SNX25: variants seen among roughly 807,000 people sequenced by gnomAD.
The protein encoded by SNX25 is sorting nexin-25.
In SNX25, 62 loss-of-function variants were observed where a neutral mutation model predicts 113.7. That is an observed-to-expected ratio of 0.55 (90% CI 0.44 to 0.67). SNX25 has a LOEUF of 0.67. Ranked by LOEUF, SNX25 falls within the 30% of genes least tolerant of loss-of-function variation. SNX25 has a pLI of 0.00. For synonymous variants in SNX25, 421 were observed against 436.2 expected, an observed-to-expected ratio of 0.97 and a Z score of 0.43; for missense variants, 1,014 against 1,161.0, an observed-to-expected ratio of 0.87 and a Z score of 1.84.
chr4:185,348,399 A>ATT (rs34672453), intron 13 of SNX25, among the ~76,000 whole-genome samples: 28,141 of 149,174 alleles, frequency 0.19, 3,388 homozygotes, highest in African/African-American at 0.35. Flanking sequence ...TCATTTCTTT[A>ATT]TTTTTTTTTT....
downstream of SNX25, chr4:185,370,878 T>C (rs1410129250): frequency 8.4e-6 from 13 of 1,545,390 alleles, no homozygotes; most frequent in Admixed American, 1.7e-5. Flanking sequence ...TGTAAAACGA[T>C]GCGCCTAGAG....
At chr4:185,299,144 TGA>T (rs1753272761) in intron 6 of SNX25, among the ~76,000 whole-genome samples, 1 of 152,194 alleles carries the variant, frequency 6.6e-6, no homozygotes, top group Admixed American at 6.5e-5. Context: ...AGAGTAACGC[TGA>T]GTTGAGTCAT....
intron 8 of SNX25, among the ~76,000 whole-genome samples, chr4:185,323,225 T>C (rs532666396): frequency 1.3e-5 from 2 of 152,348 alleles, no homozygotes; most frequent in Middle Eastern, 3.4e-3. Context: ...TCTTGTGGAA[T>C]TGAGATTTAT....
At chr4:185,331,331 A>G (rs1675138574) in intron 9 of SNX25, among the ~76,000 whole-genome samples, 1 of 152,244 alleles carries the variant, frequency 6.6e-6, no homozygotes, top group African/African-American at 2.4e-5. Context: ...AATTATTCTC[A>G]TACAATGCTG....
intron 1 of SNX25, among the ~76,000 whole-genome samples, chr4:185,217,274 C>G (rs1400343219): frequency 2.0e-5 from 3 of 151,408 alleles, no homozygotes; most frequent in African/African-American, 7.3e-5. Context: ...AAGAGAAATA[C>G]TGTGTAGCTG....
chr4:185,277,510 T>G (rs1749883602), intron 5 of SNX25, among the ~76,000 whole-genome samples: 1 of 152,108 alleles, frequency 6.6e-6, no homozygotes, highest in African/African-American at 2.4e-5. Flanking sequence ...CTCTGTGGTG[T>G]TAATACTCCC....
chr4:185,337,241 C>T (rs1050626231), intron 10 of SNX25, among the ~76,000 whole-genome samples: 1 of 152,116 alleles, frequency 6.6e-6, no homozygotes, highest in African/African-American at 2.4e-5. Context: ...CAATACCTCC[C>T]CATTTTCCCC....
intron 1 of SNX25, among the ~76,000 whole-genome samples, chr4:185,239,901 GAGGACCCTGCGGCCTTCCGC>G (rs1237978376): frequency 1.3e-5 from 2 of 149,876 alleles, no homozygotes; most frequent in East Asian, 2.0e-4. Flanking sequence ...TTCCTAGGCA[GAGGACCCTGCGGCCTTCCGC>G]AGTGTTTGTG....
At chr4:185,299,069 A>G (rs912710460) in intron 6 of SNX25, among the ~76,000 whole-genome samples, 3 of 152,242 alleles carry the variant, frequency 2.0e-5, no homozygotes, top group African/African-American at 7.2e-5. Flanking sequence ...AGGATTTAGC[A>G]GTGGCACAGA....
In SNX25 at chr4:185,339,174, C is replaced by T. The variant is rs114822164; in HGVS notation, c.1915-205C>T. Among the ~76,000 whole-genome samples the T allele has an allele frequency of 4.5e-3, 683 of 152,114 alleles. 5 individuals carry two copies. Among genetic ancestry groups the T allele is most frequent in the African/African-American group, 0.015 (643 of 41,484 alleles). ...TGTAGTTTTCATTGTAGAATTATTTCGCTTCCTTGTTTACATTAATCCCTA... is the reference window on the plus strand; with the variant it reads ...TGTAGTTTTCATTGTAGAATTATTTTGCTTCCTTGTTTACATTAATCCCTA... On this transcript the variant is annotated intron_variant, in intron 10 of 18. Coordinates refer to ENST00000652585, the MANE Select transcript of SNX25 (RefSeq NM_001378034.2).
At chr4:185,374,259 C>T, downstream of SNX25, 1 of 1,614,076 alleles carries the variant, frequency 6.2e-7, no homozygotes, top group South Asian at 1.1e-5. Context: ...GAAAGTGAGG[C>T]ATGTTATTCT....
upstream of SNX25, among the ~76,000 whole-genome samples, chr4:185,207,375 C>T (rs1737234232): frequency 6.6e-6 from 1 of 151,950 alleles, no homozygotes; most frequent in African/African-American, 2.4e-5. Flanking sequence ...CACCACCACA[C>T]CTGGTTAATT....
chr4:185,263,118 C>T (rs1747556446), intron 3 of SNX25, among the ~76,000 whole-genome samples: 1 of 152,186 alleles, frequency 6.6e-6, no homozygotes, highest in Non-Finnish European at 1.5e-5. Flanking sequence ...GAACTTGTGG[C>T]AGTCTGAGTA....
intron 5 of SNX25, among the ~76,000 whole-genome samples, chr4:185,274,153 C>T (rs1254801490): frequency 8.6e-5 from 13 of 151,940 alleles, no homozygotes; most frequent in East Asian, 1.9e-4. Flanking sequence ...CTCCACCTCC[C>T]GGGTTCAAAC....
chr4:185,304,117 C>T (rs1482340302), intron 6 of SNX25, among the ~76,000 whole-genome samples: 1 of 152,150 alleles, frequency 6.6e-6, no homozygotes, highest in Non-Finnish European at 1.5e-5. Flanking sequence ...TTGAACCCTT[C>T]CATCAAGAGG....
chr4:185,298,759 CTCTG>C (rs1753213154), intron 6 of SNX25, among the ~76,000 whole-genome samples: 1 of 152,142 alleles, frequency 6.6e-6, no homozygotes. Context: ...CTCGATATCA[CTCTG>C]TCTAGATAAC....
At chr4:185,345,789 C>CA (rs527619447) in intron 12 of SNX25, among the ~76,000 whole-genome samples, 132 of 142,276 alleles carry the variant, frequency 9.3e-4, no homozygotes, top group Middle Eastern at 3.5e-3. Context: ...GACCCTGTTT[C>CA]AAAAAAAAAA....
intron 9 of SNX25, among the ~76,000 whole-genome samples, chr4:185,324,921 C>G (rs141557839): frequency 1.1e-4 from 17 of 152,170 alleles, no homozygotes; most frequent in African/African-American, 4.1e-4. Flanking sequence ...TGGGTAGTTG[C>G]TGTGAAATAG....
intron 1 of SNX25, among the ~76,000 whole-genome samples, chr4:185,231,352 G>A (rs1306605330): frequency 6.6e-6 from 1 of 151,682 alleles, no homozygotes; most frequent in African/African-American, 2.4e-5. Flanking sequence ...ACCCGCCTCG[G>A]CCTCCCAAAG....
Sources: gnomAD v4.1 joint callset for allele counts (sites outside exome capture counted in the v4.1 genomes callset) on GRCh38, gnomAD v4.1.1 for gene constraint, MANE v1.5 for transcripts, NCBI Gene and HGNC (gene_info 2026-07-23, HGNC 2026-07-21) for gene names.